ACAP3: variants seen among roughly 807,000 people sequenced by gnomAD.
ACAP3 encodes the protein arf-GAP with coiled-coil, ANK repeat and PH domain-containing protein 3.
A neutral mutation model predicts 104.1 loss-of-function variants in ACAP3; 56 were observed. The ratio of observed to expected loss-of-function variants is 0.54; its 90% confidence interval spans 0.43 to 0.67. The LOEUF (loss-of-function observed/expected upper bound fraction) is 0.67. Among genes scored for constraint, ACAP3 ranks in the 30% least tolerant of loss-of-function variants. The pLI, the probability that ACAP3 is intolerant of heterozygous loss-of-function variation, is 0.00. For synonymous variants in ACAP3, 628 were observed against 496.2 expected (o/e 1.27, Z -3.53); for missense variants, 1,208 against 1,174.9 (o/e 1.03, Z -0.41).
intron 12 of ACAP3, 124 bp downstream of exon 12, chr1:1,298,246 G>A: frequency 6.3e-7 from 1 of 1,580,730 alleles, no homozygotes; most frequent in Non-Finnish European, 8.6e-7. Flanking sequence ...TCTGCTCCCT[G>A]ACTGTTCCGG....
chr1:1,294,512 G>A lies in ACAP3; in HGVS notation c.2029C>T (p.Arg677Cys), dbSNP rs763189337. The A allele has an allele frequency of 2.0e-6, 3 of 1,510,692 alleles. No homozygotes were observed. The highest frequency in any genetic ancestry group is 1.2e-5 in the South Asian group (1 of 80,132). 93.6% of individuals were successfully genotyped at this position (1,510,692 alleles called of 1,614,324 possible). The change falls in exon 21 of 24, where the codon CGT (arginine) becomes TGT (cysteine). Residue 677 changes from arginine (R) to cysteine (C), a missense_variant. Physicochemically the swap from Arg to Cys is radical, Grantham distance 180. Transcript: ENST00000354700. ...HPGLLAHRAARARDLPALAAA... is the reference protein window; with the variant it reads ...HPGLLAHRAACARDLPALAAA... ...GCCAGCGCAGGAAGGTCGCGGGCAC[G>A]CGCTGCGCGGTGCGCCAAGAGCCCC...
At chr1:1,298,529 C>T in intron 11 of ACAP3, 38 bp downstream of exon 11, 1 of 1,446,442 alleles carries the variant, frequency 6.9e-7, no homozygotes, top group Non-Finnish European at 9.5e-7. Context: ...CCCACCCCCG[C>T]CTAAGGACCC....
At chr1:1,299,497 CA>C in intron 9 of ACAP3, 141 bp from the exon 10 acceptor site, 2 of 1,061,568 alleles carry the variant, frequency 1.9e-6, no homozygotes, top group East Asian at 2.9e-5. Context: ...TCCCCTATCC[CA>C]AAATAGCCAC....
In ACAP3 at chr1:1,303,207, G is replaced by A. The variant is rs368876707; in HGVS notation, c.180C>T (p.Gly60=). 2.7e-5 allele frequency: 43 copies of A among 1,606,980 alleles called. No individual in the cohort carries two copies. The highest frequency in any genetic ancestry group is 1.7e-4 in the Middle Eastern group (1 of 6,042). The change falls in exon 3 of 24, where the codon GGC becomes GGT. Residue 60 remains glycine (G), a synonymous_variant. Transcript: ENST00000354700. This position sits in a 1 kb window ranked among gnomAD's most constrained non-coding sequence, Gnocchi z 4.0. ...GGCACTGCTGGGACAGGTCGCGGAC[G>A]CCGCTCACGAAAAGCCTGCTGGTGC... is the stretch of plus-strand genomic sequence containing the variant. ...YVSTSRLFVS[G]VRDLSQQCQG...
In ACAP3 at chr1:1,294,531, G is replaced by C. The variant is rs1641022389; in HGVS notation, c.2010C>G (p.Leu670=). The change falls in exon 21 of 24, where the codon CTC becomes CTG. Residue 670 remains leucine (L), a synonymous_variant. Coordinates refer to ENST00000354700, the MANE Select transcript of ACAP3 (RefSeq NM_030649.3). ...GGGCACGCGCTGCGCGGTGCGCCAA[G>C]AGCCCCGGGTGCAGCTCGCGCACGT... is the stretch of plus-strand genomic sequence containing the variant. ...LADVRELHPG[L]LAHRAARARD... 2.0e-6 allele frequency: 3 copies of C among 1,498,384 alleles called. No homozygotes were observed. Among genetic ancestry groups the C allele is most frequent in the South Asian group, 1.3e-5 (1 of 78,436 alleles). 92.8% of individuals were successfully genotyped at this position (1,498,384 alleles called of 1,614,324 possible).
chr1:1,293,787 GGCCCC>G (rs1570624247), intron 23 of ACAP3, 31 bp downstream of exon 23: 1 of 1,522,150 alleles, frequency 6.6e-7, no homozygotes, highest in Non-Finnish European at 8.7e-7. Context: ...CTGCCCTGGA[GGCCCC>G]GCCCAGCCCC....
rs1641545364 is a variant in ACAP3 at position 1,303,570 on chromosome 1, A to G, written c.106-289T>C. On this transcript the variant is annotated intron_variant, in intron 2 of 23. Transcript: ENST00000354700. This position sits in a 1 kb window ranked among gnomAD's most constrained non-coding sequence, Gnocchi z 4.0. The stretch of plus-strand genomic sequence containing the variant: ...AGCAGAACCAGCCCATGTGGGGCTC[A>G]TGGATAAGGCTGCCCACTCCCAGCT... 7.5e-6 allele frequency: 4 copies of G among 532,438 alleles called. No homozygotes were observed. The highest frequency in any genetic ancestry group is 3.3e-5 in the East Asian group (1 of 29,872). 33.0% of individuals were successfully genotyped at this position (532,438 alleles called of 1,614,324 possible). A position where few individuals can be genotyped will look rare whatever the true frequency, so the allele number is the denominator to read the frequency against.
In ACAP3 at chr1:1,296,059, C is replaced by A; in HGVS notation, c.1458G>T (p.Gln486His). ...NSAVNQIYEA[Q>H]CEGAGSRKPT... ...GTTTCCTGCTGCCTGCACCCTCACA[C>A]TGGGCCTCATAGATCTGATTCACAG... Residue 486 changes from glutamine to histidine, a missense_variant, in exon 17 of 24, where the codon CAG (glutamine) becomes CAT (histidine). Physicochemically the swap from Gln to His is conservative, Grantham distance 24. Coordinates refer to ENST00000354700, the MANE Select transcript of ACAP3 (RefSeq NM_030649.3). 6.2e-7 allele frequency: 1 copy of A among 1,612,822 alleles called. No individual in the cohort carries two copies.
At chr1:1,302,812 A>C in intron 4 of ACAP3, 110 bp downstream of exon 4, 4 of 140,656 alleles carry the variant, frequency 2.8e-5, no homozygotes, top group Non-Finnish European at 4.5e-5. Flanking sequence ...CCCCCCGACT[A>C]GAGGAGCAGA....
chr1:1,307,867 C>A lies in ACAP3; in HGVS notation c.-52G>T. ...GCACGAGGACCGCGGCGCCGAGCGG[C>A]AGCCGCGCCGGCCCGGACCGCTCGT... On this transcript the variant is annotated 5_prime_UTR_variant, in exon 1 of 24. Coordinates refer to ENST00000354700, the MANE Select transcript of ACAP3 (RefSeq NM_030649.3). 1.0e-6 allele frequency: 1 copy of A among 977,544 alleles called. No individual in the cohort carries two copies. The highest frequency in any genetic ancestry group is 1.2e-6 in the Non-Finnish European group (1 of 819,196). 60.6% of individuals were successfully genotyped at this position (977,544 alleles called of 1,614,324 possible). A position where few individuals can be genotyped will look rare whatever the true frequency, so the allele number is the denominator to read the frequency against.
At chr1:1,306,141 G>C (rs767882376) in intron 1 of ACAP3, among the ~76,000 whole-genome samples, 1 of 152,194 alleles carries the variant, frequency 6.6e-6, no homozygotes, top group Admixed American at 6.5e-5. Flanking sequence ...CACTTTCCCA[G>C]GGCAGTCACT....
chr1:1,295,144 C>A (rs1641064807), intron 19 of ACAP3: 2 of 556,460 alleles, frequency 3.6e-6, no homozygotes, highest in Non-Finnish European at 3.2e-6. Context: ...CTCCACCCAA[C>A]CAACGGGCAG....
In ACAP3 at chr1:1,296,299, G is replaced by A. The variant is rs1360358064; in HGVS notation, c.1338-19C>T. 1.3e-5 allele frequency: 20 copies of A among 1,552,738 alleles called. No homozygotes were observed. Among genetic ancestry groups the A allele is most frequent in the African/African-American group, 2.7e-5 (2 of 73,146 alleles). ...CAGGCTCCTGGAGAGCAGAGGTAGGGATGAGTCTGGGGGAGGCAAGGCCCC... is the reference window on the plus strand; with the variant it reads ...CAGGCTCCTGGAGAGCAGAGGTAGGAATGAGTCTGGGGGAGGCAAGGCCCC... On this transcript the variant is annotated intron_variant, in intron 15 of 23. Transcript: ENST00000354700.
At chr1:1,306,339 G>A (rs1431279812) in intron 1 of ACAP3, among the ~76,000 whole-genome samples, 1 of 150,784 alleles carries the variant, frequency 6.6e-6, no homozygotes, top group Non-Finnish European at 1.5e-5. Context: ...GGAGGGGCCA[G>A]GGAGAAGGTG....
rs564492009 is a variant in ACAP3, at chr1:1,296,804, C to T, written c.1129-171G>A. Among the ~76,000 whole-genome samples, 6 of 143,732 alleles carry T rather than the reference C, an allele frequency of 4.2e-5. No individual in the cohort carries two copies. In the South Asian group the frequency reaches 9.3e-4, roughly 22 times the overall value. The allele number at this position is 143,732 out of a possible 152,430, so 94.3% of individuals were successfully genotyped here. A position where few individuals can be genotyped will look rare whatever the true frequency, so the allele number is the denominator to read the frequency against. On this transcript the variant is annotated intron_variant, in intron 14 of 23. Coordinates refer to ENST00000354700, the MANE Select transcript of ACAP3 (RefSeq NM_030649.3). Reference sequence around the variant, plus strand: ...TCACGTGGGCAGATGGCCCCCCCCTCGAGCACACGCCCGCACACGCACACA... The same window carrying T: ...TCACGTGGGCAGATGGCCCCCCCCTTGAGCACACGCCCGCACACGCACACA...
Position 1,307,420 on chromosome 1 carries a change from GC to G in ACAP3, c.47+348del, listed in dbSNP as rs768514548. The G allele has an allele frequency of 3.9e-6, 5 of 1,292,760 alleles. No homozygotes were observed. In the African/African-American group the frequency reaches 6.1e-5, roughly 16 times the overall value. The allele number at this position is 1,292,760 out of a possible 1,614,324, so 80.1% of individuals were successfully genotyped here. ...ATCAAGTCAGAGACCAGGGGCCGAC[GC>G]CCCCACGGACCCAGACGACCCTGGC... On this transcript the variant is annotated intron_variant, in intron 1 of 23. Transcript: ENST00000354700.
intron 1 of ACAP3, 146 bp from the exon 2 acceptor site, chr1:1,304,289 G>C (rs940070728): frequency 6.9e-5 from 66 of 957,096 alleles, no homozygotes; most frequent in Non-Finnish European, 1.0e-4. Flanking sequence ...CCTGCTACGG[G>C]GGCAGGACTG....
In ACAP3 at chr1:1,295,922, A is replaced by G. The variant is rs1214185685; in HGVS notation, c.1519T>C (p.Trp507Arg). 6.2e-7 allele frequency: 1 copy of G among 1,612,404 alleles called. No individual in the cohort carries two copies. ...TTTTCCACGTATTTGTCCTTGATCC[A>G]GGCCTCCTTGTCCTGCCTGGACCAG... ...ASSSRQDKEAWIKDKYVEKKF... is the reference protein window; with the variant it reads ...ASSSRQDKEARIKDKYVEKKF... The change falls in exon 18 of 24, where the codon TGG (tryptophan) becomes CGG (arginine). Residue 507 changes from tryptophan (W) to arginine (R), a missense_variant. Coordinates refer to ENST00000354700, the MANE Select transcript of ACAP3 (RefSeq NM_030649.3).
intron 1 of ACAP3, chr1:1,307,225 G>C (rs573727809): frequency 7.8e-7 from 1 of 1,287,096 alleles, no homozygotes; most frequent in East Asian, 5.6e-5. Context: ...ATGCAGACTC[G>C]GTGTGCACAC....
Sources: allele counts gnomAD v4.1 joint callset (sites outside exome capture counted in the v4.1 genomes callset), GRCh38; gene constraint gnomAD v4.1.1; non-coding constraint Gnocchi (gnomAD v3.1); transcripts MANE v1.5; gene names NCBI Gene and HGNC (gene_info 2026-07-23, HGNC 2026-07-21).